CSMD2: variants seen among roughly 807,000 people sequenced by gnomAD.
CSMD2 encodes the protein CUB and Sushi multiple domains 2.
CSMD2 carries 130 observed loss-of-function variants against 398.5 expected under a neutral mutation model. The ratio of observed to expected loss-of-function variants is 0.33; its 90% CI spans 0.28 to 0.38. The LOEUF (loss-of-function observed/expected upper bound fraction) is 0.38. CSMD2 is among the 10% of genes least tolerant of loss of function. The pLI is 1.00. For synonymous variants in CSMD2, 1,828 were observed against 1,908.5 expected, an observed-to-expected ratio of 0.96 and a Z score of 1.10; for missense variants, 3,829 against 4,764.9, an observed-to-expected ratio of 0.80 and a Z score of 5.78.
intron 1 of CSMD2, among the ~76,000 whole-genome samples, chr1:34,146,366 T>C (rs1639764868): frequency 6.6e-6 from 1 of 152,250 alleles, no homozygotes; most frequent in Non-Finnish European, 1.5e-5. Flanking sequence ...AAGCCAGTCT[T>C]AACCCAAAAG....
intron 41 of CSMD2, among the ~76,000 whole-genome samples, 171 bp from the exon 42 acceptor site, chr1:33,605,641 G>GTA (rs1056298765): frequency 2.0e-5 from 3 of 152,214 alleles, no homozygotes; most frequent in Non-Finnish European, 4.4e-5. Flanking sequence ...GTTTTCCTGT[G>GTA]TATAGAATGA....
chr1:33,664,992 G>A (rs1299669427), intron 25 of CSMD2, among the ~76,000 whole-genome samples: 2 of 151,964 alleles, frequency 1.3e-5, no homozygotes, highest in Non-Finnish European at 2.9e-5. Context: ...TATTCTTTAC[G>A]AAAATACTCC....
chr1:34,034,462 C>G (rs1302776756), intron 2 of CSMD2, among the ~76,000 whole-genome samples: 2 of 152,052 alleles, frequency 1.3e-5, no homozygotes, highest in African/African-American at 4.8e-5. Flanking sequence ...CTTGAGACTC[C>G]CAGCAGCCTT....
At chr1:33,779,206 A>T (rs938191972) in intron 12 of CSMD2, among the ~76,000 whole-genome samples, 2 of 152,148 alleles carry the variant, frequency 1.3e-5, no homozygotes, top group Non-Finnish European at 2.9e-5. Context: ...CTCCCACCCC[A>T]GCCTGCTCTT....
At chr1:34,123,939 C>T (rs1445321070) in intron 1 of CSMD2, among the ~76,000 whole-genome samples, 1 of 152,154 alleles carries the variant, frequency 6.6e-6, no homozygotes, top group Non-Finnish European at 1.5e-5. Flanking sequence ...GGTCCAGAAC[C>T]CATGGGTTTA....
intron 5 of CSMD2, among the ~76,000 whole-genome samples, chr1:33,897,045 G>C (rs1642437689): frequency 6.6e-6 from 1 of 152,078 alleles, no homozygotes; most frequent in South Asian, 2.1e-4. Flanking sequence ...CTGTAAAAGA[G>C]GGTATTCAGG....
At chr1:33,843,164 C>A (rs1370615934) in intron 6 of CSMD2, among the ~76,000 whole-genome samples, 1 of 152,176 alleles carries the variant, frequency 6.6e-6, no homozygotes, top group African/African-American at 2.4e-5. Context: ...CAGAGATTGG[C>A]CTAGGCGCAT....
intron 13 of CSMD2, among the ~76,000 whole-genome samples, chr1:33,764,088 TC>T (rs1650180433): frequency 6.6e-6 from 1 of 151,964 alleles, no homozygotes; most frequent in African/African-American, 2.4e-5. Flanking sequence ...GAATCTTCCT[TC>T]CCCCATAAAG....
In CSMD2 at chr1:33,569,561, A is replaced by G. The variant is rs1208048772; in HGVS notation, c.7958-14T>C. ...CACAGGAGATGACTAAAATGATCACAAGATGCTCAGTAAGCCAGCCCCAAG... is the reference window on the plus strand; with the variant it reads ...CACAGGAGATGACTAAAATGATCACGAGATGCTCAGTAAGCCAGCCCCAAG... On this transcript the variant is annotated splice_polypyrimidine_tract_variant and intron_variant, in intron 51 of 70. Coordinates refer to ENST00000373381, the MANE Select transcript of CSMD2 (RefSeq NM_001281956.2). The G allele has an allele frequency of 3.7e-6, 6 of 1,611,524 alleles. No homozygotes were observed. Among genetic ancestry groups the G allele is most frequent in the Non-Finnish European group, 4.2e-6 (5 of 1,178,308 alleles).
chr1:33,649,385 T>C (rs1268010969), intron 28 of CSMD2, among the ~76,000 whole-genome samples: 1 of 152,264 alleles, frequency 6.6e-6, no homozygotes, highest in East Asian at 1.9e-4. Flanking sequence ...GGCTCATGTC[T>C]GTAATCTCAG....
intron 1 of CSMD2, among the ~76,000 whole-genome samples, chr1:34,151,822 CT>C (rs1640354636): frequency 1.4e-5 from 2 of 147,688 alleles, no homozygotes; most frequent in South Asian, 2.3e-4. Context: ...CCTCCCCCCC[CT>C]TCTCTCTTCC....
At chr1:34,141,360 C>G (rs1432889323) in intron 1 of CSMD2, among the ~76,000 whole-genome samples, 2 of 151,966 alleles carry the variant, frequency 1.3e-5, no homozygotes, top group Non-Finnish European at 2.9e-5. Flanking sequence ...CTTGAGAAGT[C>G]AGTAAATGTT....
chr1:33,984,860 AAGGCAGGCAGGCAGGC>A (rs149716735), intron 3 of CSMD2, among the ~76,000 whole-genome samples: 3 of 149,716 alleles, frequency 2.0e-5, no homozygotes, highest in African/African-American at 7.4e-5. Flanking sequence ...GGAAGGAAGG[AAGGCAGGCAGGCAGGC>A]AGGCAGGCAG....
intron 5 of CSMD2, among the ~76,000 whole-genome samples, chr1:33,894,788 A>G (rs1642269215): frequency 6.6e-6 from 1 of 152,210 alleles, no homozygotes; most frequent in Non-Finnish European, 1.5e-5. Context: ...CATCAGACAC[A>G]TAATATGCCT....
At chr1:34,057,934 G>GCC in intron 2 of CSMD2, among the ~76,000 whole-genome samples, 1 of 152,172 alleles carries the variant, frequency 6.6e-6, no homozygotes, top group South Asian at 2.1e-4. Context: ...AGGAGGTGAG[G>GCC]CACGCTCTGG....
At chr1:33,774,969 A>G (rs767825650) in intron 12 of CSMD2, among the ~76,000 whole-genome samples, 6 of 152,190 alleles carry the variant, frequency 3.9e-5, no homozygotes, top group Non-Finnish European at 8.8e-5. Context: ...TCAAGAAATG[A>G]ACAGACAAGG....
intron 3 of CSMD2, among the ~76,000 whole-genome samples, chr1:34,012,773 C>T (rs2148074423): frequency 6.6e-6 from 1 of 152,292 alleles, no homozygotes; most frequent in Non-Finnish European, 1.5e-5. Flanking sequence ...AGTAAGTACA[C>T]AATAAATATA....
At chr1:33,943,355 C>G (rs1016796524) in intron 3 of CSMD2, among the ~76,000 whole-genome samples, 4 of 152,152 alleles carry the variant, frequency 2.6e-5, no homozygotes, top group African/African-American at 9.7e-5. Flanking sequence ...CTGGCAAACT[C>G]CATCAAAGCC....
At chr1:33,593,398 A>G (rs775732082) in intron 44 of CSMD2, among the ~76,000 whole-genome samples, 2 of 152,242 alleles carry the variant, frequency 1.3e-5, no homozygotes, top group Non-Finnish European at 2.9e-5. Context: ...GCAATTTACA[A>G]AAGAAAGAGG....
Sources: gnomAD v4.1 joint callset for allele counts (sites outside exome capture counted in the v4.1 genomes callset) on GRCh38, gnomAD v4.1.1 for gene constraint, MANE v1.5 for transcripts, NCBI Gene and HGNC (gene_info 2026-07-23, HGNC 2026-07-21) for gene names.